USP32: variants seen among roughly 807,000 people sequenced by gnomAD.
USP32 encodes ubiquitin carboxyl-terminal hydrolase 32.
USP32 carries 59 observed loss-of-function variants against 204.8 expected under a neutral mutation model. That is an observed-to-expected ratio of 0.29 (90% CI 0.23 to 0.36). USP32 has a LOEUF of 0.36. Ranked by LOEUF, USP32 falls within the 10% of genes least tolerant of loss-of-function variation. The pLI is 1.00. For missense variants in USP32, 1,160 were observed against 1,946.4 expected (o/e 0.60, Z 7.60); for synonymous variants, 517 against 678.4 (o/e 0.76, Z 3.70).
At chr17:60,326,100 T>C (rs2088228005) in intron 2 of USP32, among the ~76,000 whole-genome samples, 1 of 152,124 alleles carries the variant, frequency 6.6e-6, no homozygotes, top group African/African-American at 2.4e-5. Context: ...TAGGAACTCT[T>C]GTTTTCACTA....
intron 9 of USP32, chr17:60,256,969 C>A (rs1299413374): frequency 6.5e-6 from 2 of 306,184 alleles, no homozygotes; most frequent in Admixed American, 4.5e-5. Flanking sequence ...TAAGAACACA[C>A]ATGCAGAACT....
intron 11 of USP32, 100 bp from the exon 12 acceptor site, chr17:60,236,340 C>T (rs1477123589): frequency 3.2e-6 from 3 of 942,566 alleles, no homozygotes; most frequent in Middle Eastern, 2.2e-4. Flanking sequence ...AACCGCGAAA[C>T]ATTTAGATGT....
At chr17:60,377,415 AC>A (rs1028400272) in intron 1 of USP32, among the ~76,000 whole-genome samples, 3 of 152,226 alleles carry the variant, frequency 2.0e-5, no homozygotes, top group Non-Finnish European at 4.4e-5. Context: ...CTAAATACCC[AC>A]TTAACCTTCG....
In USP32 at chr17:60,271,397, G is replaced by A; in HGVS notation, c.656C>T (p.Thr219Ile). 1 of 1,614,114 alleles carries A rather than the reference G, an allele frequency of 6.2e-7. No individual in the cohort carries two copies. ...QSRTGRFDLE[T>I]FGPLVSPPIR... ...AGGTGGTGAAACCAATGGGCCAAAT[G>A]TCTCTAAATCAAATCGTCCAGTCCG... The change falls in exon 6 of 34, where the codon ACA (threonine) becomes ATA (isoleucine). Residue 219 changes from threonine to isoleucine, a missense_variant. This residue lies in a region of USP32 where 536 missense variants were observed against 680.9 expected (regional missense o/e 0.79). Coordinates refer to ENST00000300896, the MANE Select transcript of USP32 (RefSeq NM_032582.4).
intron 2 of USP32, among the ~76,000 whole-genome samples, chr17:60,319,917 A>G (rs1350556347): frequency 1.3e-5 from 2 of 152,204 alleles, no homozygotes; most frequent in Non-Finnish European, 2.9e-5. Flanking sequence ...TGTGCATACT[A>G]AACATTTTAT....
intron 2 of USP32, among the ~76,000 whole-genome samples, chr17:60,311,560 C>T (rs796293892): frequency 2.6e-4 from 40 of 152,286 alleles, no homozygotes; most frequent in African/African-American, 9.4e-4. Context: ...CAGTGGCTCA[C>T]GCCTGTAATC....
At chr17:60,350,295 G>A (rs1218458202) in intron 1 of USP32, among the ~76,000 whole-genome samples, 1 of 151,742 alleles carries the variant, frequency 6.6e-6, no homozygotes, top group Non-Finnish European at 1.5e-5. Flanking sequence ...GATTACAGAT[G>A]TGGTAATTTT....
intron 1 of USP32, among the ~76,000 whole-genome samples, chr17:60,376,672 T>C (rs2089549428): frequency 6.6e-6 from 1 of 151,802 alleles, no homozygotes; most frequent in African/African-American, 2.4e-5. Flanking sequence ...TACAGGTGCC[T>C]GCCATCACGC....
intron 1 of USP32, among the ~76,000 whole-genome samples, chr17:60,347,399 G>T (rs1393489288): frequency 6.6e-6 from 1 of 150,420 alleles, no homozygotes; most frequent in Non-Finnish European, 1.5e-5. Flanking sequence ...TGTCGCCCAG[G>T]CAGGAGTGCA....
intron 9 of USP32, among the ~76,000 whole-genome samples, chr17:60,262,563 T>C (rs2086479806): frequency 6.6e-6 from 1 of 152,194 alleles, no homozygotes; most frequent in Admixed American, 6.5e-5. Flanking sequence ...AGCTGATCAC[T>C]TGCTCTGTTC....
intron 9 of USP32, 24 bp from the exon 10 acceptor site, chr17:60,255,282 G>T: frequency 6.6e-7 from 1 of 1,516,050 alleles, no homozygotes. Context: ...ACTCATGTTA[G>T]GAACATCTTT....
intron 1 of USP32, among the ~76,000 whole-genome samples, chr17:60,366,669 G>A (rs899393964): frequency 1.3e-5 from 2 of 151,970 alleles, no homozygotes; most frequent in African/African-American, 2.4e-5. Flanking sequence ...AGGAGGCTGA[G>A]GCAGGAGGAT....
At chr17:60,236,336 G>GA in intron 11 of USP32, 96 bp from the exon 12 acceptor site, 1 of 968,744 alleles carries the variant, frequency 1.0e-6, no homozygotes. Context: ...GGAAAACCGC[G>GA]AAACATTTAG....
rs188418598 is a variant in USP32, at chr17:60,321,729, C to T, written c.187-20025G>A. On this transcript the variant is annotated intron_variant, in intron 2 of 33. Coordinates refer to ENST00000300896, the MANE Select transcript of USP32 (RefSeq NM_032582.4). The stretch of plus-strand genomic sequence containing the variant: ...ACAATGAAAAATACAGTAACAACAA[C>T]AAAAAAATTTTAAGCCACTTCCCTA... Among the ~76,000 whole-genome samples, 5 of 152,190 alleles carry T rather than the reference C, an allele frequency of 3.3e-5. No individual in the cohort carries two copies. In the East Asian group the frequency reaches 9.7e-4, roughly 29 times the overall value.
chr17:60,406,891 C>T (rs2089980209), intron 1 of USP32, among the ~76,000 whole-genome samples: 2 of 152,074 alleles, frequency 1.3e-5, no homozygotes, highest in Admixed American at 6.6e-5. Context: ...ACATGCTAAT[C>T]AAATTTCAGT....
At chr17:60,383,393 TATTTATAC>T (rs1203129019) in intron 1 of USP32, among the ~76,000 whole-genome samples, 6 of 152,202 alleles carry the variant, frequency 3.9e-5, no homozygotes, top group Non-Finnish European at 5.9e-5. Context: ...TTCTCTCCAT[TATTTATAC>T]ATTTATACAT....
At chr17:60,230,982 A>C (rs2085532283) in intron 12 of USP32, among the ~76,000 whole-genome samples, 1 of 152,226 alleles carries the variant, frequency 6.6e-6, no homozygotes, top group Non-Finnish European at 1.5e-5. Flanking sequence ...GTCTGGAACT[A>C]TTCAAAATTA....
intron 1 of USP32, among the ~76,000 whole-genome samples, chr17:60,371,435 C>T (rs112593048): frequency 6.6e-6 from 1 of 151,476 alleles, no homozygotes; most frequent in Non-Finnish European, 1.5e-5. Context: ...GGTGCGGTGG[C>T]ACACGCCTAT....
intron 5 of USP32, among the ~76,000 whole-genome samples, chr17:60,281,411 G>T (rs1348128729): frequency 6.6e-6 from 1 of 152,034 alleles, no homozygotes; most frequent in Non-Finnish European, 1.5e-5. Context: ...GGTAGCAGGC[G>T]CCTGTAATCC....
Sources: allele counts gnomAD v4.1 joint callset (sites outside exome capture counted in the v4.1 genomes callset), GRCh38; gene constraint gnomAD v4.1.1; regional missense constraint gnomAD v4.1.1; transcripts MANE v1.5; gene names NCBI Gene and HGNC (gene_info 2026-07-23, HGNC 2026-07-21).